GOLGA1: variants seen among roughly 807,000 people sequenced by gnomAD.
GOLGA1 encodes the protein golgin A1, also known as golgin subfamily A member 1.
GOLGA1 carries 63 observed loss-of-function variants against 119.7 expected under a neutral mutation model. The observed-to-expected ratio is 0.53, with a 90% CI of 0.43 to 0.65. The LOEUF is 0.65. Among genes scored for constraint, GOLGA1 ranks in the 30% least tolerant of loss-of-function variants. The probability of loss-of-function intolerance (pLI) is 0.00; values close to 1 mark genes in which losing one functional copy is unlikely to be tolerated. For missense variants in GOLGA1, 798 were observed against 912.8 expected, an observed-to-expected ratio of 0.87 and a Z score of 1.62; for synonymous variants, 318 against 333.4, an observed-to-expected ratio of 0.95 and a Z score of 0.50.
chr9:124,942,829 C>T (rs1831079950), upstream of GOLGA1: 2 of 152,172 alleles, frequency 1.3e-5, no homozygotes, highest in Admixed American at 1.3e-4. Context: ...CAGTTTTCAT[C>T]CTCTAGTACT....
chr9:124,880,770 G>A (rs1829559838), intron 22 of GOLGA1, among the ~76,000 whole-genome samples, 160 bp from the exon 23 acceptor site: 1 of 152,158 alleles, frequency 6.6e-6, no homozygotes, highest in Non-Finnish European at 1.5e-5. Context: ...TAACCAGTCT[G>A]CAGGCCCGTG....
intron 16 of GOLGA1, 37 bp downstream of exon 16, chr9:124,890,352 A>AT: frequency 7.3e-7 from 1 of 1,369,590 alleles, no homozygotes. Flanking sequence ...GTGGGACTGC[A>AT]GGGGGACATC....
chr9:124,932,336 A>G (rs1830784114), intron 3 of GOLGA1, among the ~76,000 whole-genome samples: 2 of 152,220 alleles, frequency 1.3e-5, no homozygotes. Flanking sequence ...TTATTCAATA[A>G]TTCACCTCAA....
At position 124,880,088 on chromosome 9, in the gene GOLGA1, G is replaced by A; in HGVS notation, c.*442C>T. ...GCCACTCCCATAGAGTTCCCATGGA[G>A]TTGGCTGTTCCTGGCAGAGGCAGGT... is the stretch of plus-strand genomic sequence containing the variant. On this transcript the variant is annotated 3_prime_UTR_variant, in exon 23 of 23. Transcript: ENST00000373555. 6.4e-6 allele frequency: 1 copy of A among 156,324 alleles called. No homozygotes were observed. The allele number at this position is 156,324 out of a possible 1,614,324, so 9.7% of individuals were successfully genotyped here.
At chr9:124,944,629 T>A (rs1283178630), upstream of GOLGA1, 1 of 152,074 alleles carries the variant, frequency 6.6e-6, no homozygotes, top group Non-Finnish European at 1.5e-5. Context: ...ATAGTTTTAA[T>A]TTAGAAAAAA....
At chr9:124,884,881 A>C (rs1404308733) in intron 19 of GOLGA1, among the ~76,000 whole-genome samples, 4 of 152,170 alleles carry the variant, frequency 2.6e-5, no homozygotes, top group African/African-American at 9.7e-5. Flanking sequence ...AAAAAGTCAA[A>C]AGTTCACCCT....
upstream of GOLGA1, chr9:124,941,126 A>AGGG (rs146627605): frequency 2.0e-5 from 3 of 150,056 alleles, no homozygotes; most frequent in African/African-American, 7.3e-5. Flanking sequence ...CGGTGGGGGG[A>AGGG]GGGGGTTGGT....
At chr9:124,935,527 T>C (rs1006633740) in intron 3 of GOLGA1, among the ~76,000 whole-genome samples, 1 of 152,080 alleles carries the variant, frequency 6.6e-6, no homozygotes, top group Non-Finnish European at 1.5e-5. Flanking sequence ...ATTTAAGAAA[T>C]GAAAGCTGCC....
chr9:124,888,326 A>T lies in GOLGA1; in HGVS notation c.1832T>A (p.Val611Asp), dbSNP rs763302018. Residue 611 changes from valine to aspartate, a missense_variant, in exon 19 of 23, where the codon GTT becomes GAT. By Grantham distance (152) the Val-to-Asp change is radical (BLOSUM62 -3). Transcript: ENST00000373555. The surrounding 1 kb of genome is among the most constrained non-coding windows in gnomAD (Gnocchi z 4.4). The part of the protein sequence containing the change: ...PTAGRTPNGE[V>D]GAMDLTQLQK... Reference sequence around the variant, plus strand: ...TAGCTGTGTGAGATCCATGGCCCCAACCTCACCATTTGGTGTTCTTCCTGC... The same window carrying T: ...TAGCTGTGTGAGATCCATGGCCCCATCCTCACCATTTGGTGTTCTTCCTGC... 24 of 1,613,840 alleles carry T rather than the reference A, an allele frequency of 1.5e-5. 1 individual carries two copies. In the South Asian group the frequency reaches 2.6e-4, roughly 18 times the overall value.
At chr9:124,889,329 C>T (rs1237742008) in intron 17 of GOLGA1, 26 bp from the exon 18 acceptor site, 1 of 1,610,732 alleles carries the variant, frequency 6.2e-7, no homozygotes, top group Non-Finnish European at 8.5e-7. Flanking sequence ...GGGGAGGGGG[C>T]ACTGTGAGCC....
chr9:124,922,089 G>T (rs1300908431), intron 8 of GOLGA1, among the ~76,000 whole-genome samples, 197 bp from the exon 9 acceptor site: 1 of 151,712 alleles, frequency 6.6e-6, no homozygotes, highest in African/African-American at 2.4e-5. Context: ...TTAGCCGGGC[G>T]TGGTGGCGGG....
At chr9:124,899,078 C>T (rs1391015927) in intron 14 of GOLGA1, among the ~76,000 whole-genome samples, 1 of 152,010 alleles carries the variant, frequency 6.6e-6, no homozygotes, top group Non-Finnish European at 1.5e-5. Context: ...CGCCTGTAGT[C>T]CCAGCTACTT....
rs3051147 is a variant in GOLGA1, at chr9:124,939,550, CTTTTTTTTT to C, written c.-156+547_-156+555del. ...TCCAATGAGTTTATTTTCTTTCTTT[CTTTTTTTTT>C]TTTTTTTTTTTTTTTTTTTTGAGAT... On this transcript the variant is annotated intron_variant, in intron 2 of 22. Transcript: ENST00000373555. 5.3e-4 allele frequency among the ~76,000 whole-genome samples: 43 copies of C among 81,846 alleles called. No homozygotes were observed. In the South Asian group the frequency reaches 9.6e-3, roughly 18 times the overall value. The allele number at this position is 81,846 out of a possible 152,430, so 53.7% of individuals were successfully genotyped here. A position where few individuals can be genotyped will look rare whatever the true frequency, so the allele number is the denominator to read the frequency against.
At chr9:124,931,147 T>C (rs1450978355) in intron 4 of GOLGA1, among the ~76,000 whole-genome samples, 169 bp downstream of exon 4, 2 of 152,228 alleles carry the variant, frequency 1.3e-5, no homozygotes, top group Non-Finnish European at 2.9e-5. Context: ...TTTGAATTTA[T>C]ACTATTTACT....
chr9:124,895,507 C>T (rs1829956457), intron 15 of GOLGA1, among the ~76,000 whole-genome samples: 1 of 144,522 alleles, frequency 6.9e-6, no homozygotes, highest in Non-Finnish European at 1.5e-5. Context: ...CCCTCCACAA[C>T]AGAGACCCTC....
At chr9:124,903,651 C>CAAAAAAAAAAAAAAAAAAAAAAAA (rs11435294) in intron 12 of GOLGA1, among the ~76,000 whole-genome samples, 3 of 91,282 alleles carry the variant, frequency 3.3e-5, no homozygotes, top group African/African-American at 4.4e-5. Context: ...AGAAAAAGAC[C>CAAAAAAAAAAAAAAAAAAAAAAAA]AAAAAAAAAA....
intron 10 of GOLGA1, among the ~76,000 whole-genome samples, chr9:124,916,690 A>C (rs1164517450): frequency 3.3e-5 from 5 of 151,934 alleles, no homozygotes; most frequent in African/African-American, 1.2e-4. Flanking sequence ...CCTGGGCAAC[A>C]TAGTGAGACC....
chr9:124,944,891 T>C (rs1831121527), upstream of GOLGA1: 1 of 152,218 alleles, frequency 6.6e-6, no homozygotes, highest in Non-Finnish European at 1.5e-5. Flanking sequence ...AAATCAGTGA[T>C]ATAACAAACA....
chr9:124,906,830 T>G (rs945512565), intron 12 of GOLGA1, among the ~76,000 whole-genome samples: 14 of 151,882 alleles, frequency 9.2e-5, no homozygotes, highest in African/African-American at 3.4e-4. Flanking sequence ...GGCAAGAAAA[T>G]AAGACATCTA....
Sources: allele counts gnomAD v4.1 joint callset (sites outside exome capture counted in the v4.1 genomes callset), GRCh38; gene constraint gnomAD v4.1.1; non-coding constraint Gnocchi (gnomAD v3.1); transcripts MANE v1.5; gene names NCBI Gene and HGNC (gene_info 2026-07-23, HGNC 2026-07-21).